Variants in CACNA1C observed in about 807,000 individuals in gnomAD.
The protein encoded by CACNA1C is voltage-dependent L-type calcium channel subunit alpha-1C.
CACNA1C carries 30 observed loss-of-function variants against 229.0 expected under a neutral mutation model. The ratio of observed to expected loss-of-function variants is 0.13; its 90% CI spans 0.10 to 0.18. The LOEUF (loss-of-function observed/expected upper bound fraction) is 0.18, where lower values mean the gene tolerates loss of function less well. Ranked by LOEUF, CACNA1C falls within the 10% of genes least tolerant of loss-of-function variation. CACNA1C has a pLI of 1.00. For synonymous variants in CACNA1C, 1,114 were observed against 1,132.5 expected (o/e 0.98, Z 0.33); for missense variants, 1,658 against 2,845.0 (o/e 0.58, Z 9.49).
chr12:2,550,767 CT>C (rs2099898967), intron 10 of CACNA1C: 5 of 900,870 alleles, frequency 5.6e-6, no homozygotes, highest in Middle Eastern at 4.4e-4. Context: ...AAGCGCAGCC[CT>C]TTCACAACGC....
intron 30 of CACNA1C, among the ~76,000 whole-genome samples, chr12:2,642,812 T>C (rs969270804): frequency 2.0e-5 from 3 of 152,238 alleles, no homozygotes; most frequent in Non-Finnish European, 2.9e-5. Flanking sequence ...TTTGAATGAC[T>C]AGACGCTGGG....
At chr12:2,676,770 C>A in intron 39 of CACNA1C, 1 of 187,238 alleles carries the variant, frequency 5.3e-6, no homozygotes, top group Non-Finnish European at 1.1e-5. Flanking sequence ...TGGTAGGCTA[C>A]CTTTTGCATA....
chr12:2,256,284 C>T (rs1454432365), intron 3 of CACNA1C, among the ~76,000 whole-genome samples: 1 of 152,162 alleles, frequency 6.6e-6, no homozygotes, highest in Non-Finnish European at 1.5e-5. Context: ...GTTACTTCTC[C>T]ATCAATGCAT....
intron 3 of CACNA1C, among the ~76,000 whole-genome samples, chr12:2,125,213 G>A (rs927192650): frequency 6.6e-6 from 1 of 152,254 alleles, no homozygotes; most frequent in Non-Finnish European, 1.5e-5. Context: ...TTCAAGAGGG[G>A]CTGGTTGGTA....
intron 1 of CACNA1C, among the ~76,000 whole-genome samples, chr12:2,086,245 A>G (rs2067603139): frequency 6.6e-6 from 1 of 152,234 alleles, no homozygotes. Flanking sequence ...TGTTGAAAAA[A>G]TGGATGAATG....
At chr12:2,465,898 C>T (rs1021543420) in intron 5 of CACNA1C, among the ~76,000 whole-genome samples, 1 of 152,132 alleles carries the variant, frequency 6.6e-6, no homozygotes, top group African/African-American at 2.4e-5. Flanking sequence ...CTGCTCTGTC[C>T]TGAGCGCCCT....
intron 11 of CACNA1C, among the ~76,000 whole-genome samples, chr12:2,559,238 ATT>A (rs1229636501): frequency 6.6e-6 from 1 of 152,276 alleles, no homozygotes; most frequent in Non-Finnish European, 1.5e-5. Context: ...CCAAAATATC[ATT>A]CTCAGTTCAT....
chr12:2,061,934 GT>G (rs1259465921), intron 1 of CACNA1C, among the ~76,000 whole-genome samples: 2 of 152,252 alleles, frequency 1.3e-5, no homozygotes, highest in African/African-American at 4.8e-5. Context: ...AGAGGGGACA[GT>G]TCTGTGTAGC....
Position 2,605,641 on chromosome 12 carries a change from T to C in CACNA1C, c.3049-38T>C, listed in dbSNP as rs1346630398. On this transcript the variant is annotated intron_variant, in intron 23 of 46. Transcript: ENST00000399655. This position sits in a 1 kb window ranked among gnomAD's most constrained non-coding sequence, Gnocchi z 6.2. ...TCCTGGAAAGGCTCCTGGCATCTCCTGAAGCCACGTCCCTCTCCCCGTCCC... is the reference window on the plus strand; with the variant it reads ...TCCTGGAAAGGCTCCTGGCATCTCCCGAAGCCACGTCCCTCTCCCCGTCCC... 17 of 1,485,448 alleles carry C rather than the reference T, an allele frequency of 1.1e-5. No homozygotes were observed. The East Asian group carries it at 3.9e-4, about 34-fold the overall frequency. 92.0% of individuals were successfully genotyped at this position (1,485,448 alleles called of 1,614,324 possible).
chr12:2,104,326 C>T (rs907133497), intron 1 of CACNA1C, among the ~76,000 whole-genome samples: 14 of 152,118 alleles, frequency 9.2e-5, no homozygotes, highest in African/African-American at 2.9e-4. Flanking sequence ...ATTTTATTCT[C>T]TTTGTTGCAG....
chr12:2,379,955 C>T (rs958010628), intron 3 of CACNA1C, among the ~76,000 whole-genome samples: 4 of 144,130 alleles, frequency 2.8e-5, no homozygotes, highest in African/African-American at 1.0e-4. Flanking sequence ...GGCGTGAACC[C>T]GGGAGGCGGA....
chr12:2,322,358 C>T (rs369154306), intron 3 of CACNA1C, among the ~76,000 whole-genome samples: 30 of 152,246 alleles, frequency 2.0e-4, no homozygotes, highest in South Asian at 1.5e-3. Context: ...TGGGAGGGCC[C>T]GAGGGCCTGC....
At chr12:2,279,662 G>A (rs748198439) in intron 3 of CACNA1C, among the ~76,000 whole-genome samples, 19 of 152,170 alleles carry the variant, frequency 1.2e-4, no homozygotes, top group South Asian at 2.1e-4. Context: ...TGTTAGTATC[G>A]TATAGTTGGT....
chr12:2,600,625 A>T (rs1244724957), intron 21 of CACNA1C, among the ~76,000 whole-genome samples: 1 of 152,270 alleles, frequency 6.6e-6, no homozygotes, highest in African/African-American at 2.4e-5. Context: ...GAAAGGCTGT[A>T]AAGGTGATTT....
chr12:2,417,202 G>C (rs150748713), intron 3 of CACNA1C, among the ~76,000 whole-genome samples: 1 of 152,218 alleles, frequency 6.6e-6, no homozygotes, highest in Admixed American at 6.5e-5. Context: ...GTTTCCATGC[G>C]TGGGGAGACT....
intron 3 of CACNA1C, among the ~76,000 whole-genome samples, chr12:2,122,825 A>C (rs2087505244): frequency 6.6e-6 from 1 of 152,164 alleles, no homozygotes; most frequent in African/African-American, 2.4e-5. Context: ...CGCATTGGAG[A>C]GGCCTGTGGA....
chr12:2,019,587 GAA>G (rs1242369154), intron 1 of CACNA1C, among the ~76,000 whole-genome samples: 2 of 143,284 alleles, frequency 1.4e-5, no homozygotes, highest in Admixed American at 7.2e-5. Flanking sequence ...AAGAGAGAGA[GAA>G]AGAAAGAGAA....
intron 18 of CACNA1C, among the ~76,000 whole-genome samples, chr12:2,592,335 A>G (rs1196694256): frequency 6.6e-6 from 1 of 152,224 alleles, no homozygotes; most frequent in Non-Finnish European, 1.5e-5. Flanking sequence ...TACTGTTATT[A>G]TTATTCCACC....
intron 3 of CACNA1C, among the ~76,000 whole-genome samples, chr12:2,274,252 A>G (rs752010127): frequency 6.6e-6 from 1 of 151,938 alleles, no homozygotes; most frequent in Non-Finnish European, 1.5e-5. Context: ...GGATATGAGC[A>G]CTCCCGAGTC....
Sources: allele counts gnomAD v4.1 joint callset (sites outside exome capture counted in the v4.1 genomes callset), GRCh38; gene constraint gnomAD v4.1.1; non-coding constraint Gnocchi (gnomAD v3.1); transcripts MANE v1.5; gene names NCBI Gene and HGNC (gene_info 2026-07-23, HGNC 2026-07-21).